The following NKAIN3 variants were observed in gnomAD, a reference collection of about 807,000 sequenced individuals.
NKAIN3 encodes the protein sodium/potassium transporting ATPase interacting 3.
NKAIN3 carries 25 observed loss-of-function variants against 30.2 expected under a neutral mutation model. The ratio of observed to expected loss-of-function variants is 0.83; its 90% confidence interval spans 0.60 to 1.16. The LOEUF (loss-of-function observed/expected upper bound fraction) is 1.16, where lower values mean the gene tolerates loss of function less well. Ranked by LOEUF, NKAIN3 falls within the 50% of genes most tolerant of loss-of-function variation. The probability of loss-of-function intolerance (pLI) is 0.00; values close to 1 mark genes in which losing one functional copy is unlikely to be tolerated. For missense variants in NKAIN3, 225 were observed against 254.1 expected (o/e 0.89, Z 0.78); for synonymous variants, 91 against 89.6 (o/e 1.02, Z -0.09).
chr8:62,614,448 A>T (rs1586010439), intron 3 of NKAIN3, among the ~76,000 whole-genome samples: 1 of 152,094 alleles, frequency 6.6e-6, no homozygotes, highest in Admixed American at 6.5e-5. Context: ...GCTGGGTCAG[A>T]CCTGAAGCCA....
chr8:62,641,092 T>G (rs2130299765), intron 3 of NKAIN3, among the ~76,000 whole-genome samples: 1 of 152,124 alleles, frequency 6.6e-6, no homozygotes, highest in Admixed American at 6.5e-5. Flanking sequence ...TTATTAGAAA[T>G]GCATCTTGGT....
chr8:62,436,939 TA>T (rs564595188), intron 1 of NKAIN3, among the ~76,000 whole-genome samples: 216 of 152,224 alleles, frequency 1.4e-3, no homozygotes, highest in African/African-American at 4.8e-3. Flanking sequence ...TAAAATGAAA[TA>T]AAAAATCATT....
At chr8:62,426,908 T>A (rs1804824762) in intron 1 of NKAIN3, among the ~76,000 whole-genome samples, 2 of 151,994 alleles carry the variant, frequency 1.3e-5, no homozygotes, top group Non-Finnish European at 2.9e-5. Context: ...TTGGCCACTA[T>A]GTGGATAAGG....
intron 3 of NKAIN3, among the ~76,000 whole-genome samples, chr8:62,745,906 TC>T (rs771325708): frequency 1.3e-5 from 2 of 152,198 alleles, no homozygotes; most frequent in Non-Finnish European, 2.9e-5. Flanking sequence ...CAGGATTACA[TC>T]CCAGCTCCAC....
At chr8:62,492,872 C>G (rs1460099028) in intron 1 of NKAIN3, among the ~76,000 whole-genome samples, 1 of 152,084 alleles carries the variant, frequency 6.6e-6, no homozygotes, top group Non-Finnish European at 1.5e-5. Flanking sequence ...AATTTACACT[C>G]CCACCAACAG....
chr8:62,624,517 GT>G (rs56227547), intron 3 of NKAIN3, among the ~76,000 whole-genome samples: 4,198 of 146,290 alleles, frequency 0.029, 150 homozygotes, highest in African/African-American at 0.087. Context: ...CTTTATTTAG[GT>G]TTTTTTTTTT....
At chr8:62,685,793 G>A (rs889928894) in intron 3 of NKAIN3, among the ~76,000 whole-genome samples, 9 of 152,118 alleles carry the variant, frequency 5.9e-5, no homozygotes, top group East Asian at 1.9e-4. Flanking sequence ...TTCTGACTGC[G>A]CAACTATTAA....
At chr8:62,583,653 A>C (rs1194022312) in intron 2 of NKAIN3, among the ~76,000 whole-genome samples, 1 of 152,170 alleles carries the variant, frequency 6.6e-6, no homozygotes, top group Non-Finnish European at 1.5e-5. Context: ...CTGGCCTGTG[A>C]TTGTTAGGTT....
intron 4 of NKAIN3, among the ~76,000 whole-genome samples, chr8:62,760,714 C>T (rs1361047404): frequency 6.6e-6 from 1 of 152,034 alleles, no homozygotes; most frequent in Non-Finnish European, 1.5e-5. Flanking sequence ...CAACATGGCA[C>T]ATGTATACAT....
chr8:62,454,214 A>G (rs1805739237), intron 1 of NKAIN3, among the ~76,000 whole-genome samples: 1 of 149,600 alleles, frequency 6.7e-6, no homozygotes, highest in Admixed American at 6.7e-5. Context: ...AAAAGGGTCC[A>G]ATCTTTCAGC....
intron 4 of NKAIN3, among the ~76,000 whole-genome samples, chr8:62,862,296 T>G (rs1323107133): frequency 6.6e-6 from 1 of 151,424 alleles, no homozygotes; most frequent in Non-Finnish European, 1.5e-5. Context: ...AAGTAGTAAT[T>G]TAAAAAAAAA....
At chr8:62,278,586 T>TTC (rs34389402) in intron 1 of NKAIN3, among the ~76,000 whole-genome samples, 90,006 of 151,548 alleles carry the variant, frequency 0.59, 26,971 homozygotes, top group East Asian at 0.68. Flanking sequence ...TGTCCAAGTG[T>TTC]TCTCATTGTT....
At chr8:62,578,960 A>C (rs951889335) in intron 1 of NKAIN3, among the ~76,000 whole-genome samples, 3 of 152,010 alleles carry the variant, frequency 2.0e-5, no homozygotes, top group African/African-American at 7.2e-5. Context: ...GATAGAATGA[A>C]TAAGATCTGG....
intron 1 of NKAIN3, among the ~76,000 whole-genome samples, chr8:62,286,994 T>C (rs549303350): frequency 6.6e-6 from 1 of 151,726 alleles, no homozygotes; most frequent in East Asian, 2.0e-4. Context: ...GTAGCTTCAG[T>C]GTATTTCAAC....
chr8:62,267,780 A>G (rs528825222), intron 1 of NKAIN3, among the ~76,000 whole-genome samples: 5 of 152,318 alleles, frequency 3.3e-5, no homozygotes, highest in Admixed American at 3.3e-4. Flanking sequence ...AACTTGTGCT[A>G]CTGAAAATAT....
intron 5 of NKAIN3, among the ~76,000 whole-genome samples, chr8:62,930,576 G>A (rs773641457): frequency 6.6e-6 from 1 of 151,742 alleles, no homozygotes; most frequent in African/African-American, 2.4e-5. Flanking sequence ...TTTTATCTCT[G>A]TGCATTTGTC....
At chr8:62,249,740 T>C (rs1401150644) in intron 1 of NKAIN3, among the ~76,000 whole-genome samples, 2 of 152,224 alleles carry the variant, frequency 1.3e-5, no homozygotes, top group African/African-American at 2.4e-5. Context: ...TGTTGAAATG[T>C]TGCATGTTCA....
chr8:62,695,898 T>A (rs956027029), intron 3 of NKAIN3, among the ~76,000 whole-genome samples: 13 of 152,214 alleles, frequency 8.5e-5, no homozygotes, highest in African/African-American at 3.1e-4. Context: ...GAAAATTTTT[T>A]AAATTAAGGG....
At chr8:62,430,367 GT>G (rs1365727484) in intron 1 of NKAIN3, among the ~76,000 whole-genome samples, 2 of 2,178 alleles carry the variant, frequency 9.2e-4, no homozygotes, top group Admixed American at 4.3e-3. Context: ...ATATATTGTG[GT>G]GTGTGTGTGT....
Sources: allele counts gnomAD v4.1 joint callset (sites outside exome capture counted in the v4.1 genomes callset), GRCh38; gene constraint gnomAD v4.1.1; transcripts MANE v1.5; gene names NCBI Gene and HGNC (gene_info 2026-07-23, HGNC 2026-07-21).